The following FCHSD2 variants were observed in gnomAD, a reference collection of about 807,000 sequenced individuals.
FCHSD2 encodes the protein F-BAR and double SH3 domains protein 2.
In FCHSD2, 38 loss-of-function variants were observed where a neutral mutation model predicts 108.1. The observed-to-expected ratio is 0.35, with a 90% CI of 0.27 to 0.46. FCHSD2 has a LOEUF of 0.46. Ranked by LOEUF, FCHSD2 falls within the 20% of genes least tolerant of loss-of-function variation. The probability of loss-of-function intolerance (pLI) is 1.00; values close to 1 mark genes in which losing one functional copy is unlikely to be tolerated. For missense variants in FCHSD2, 751 were observed against 897.8 expected (o/e 0.84, Z 2.09); for synonymous variants, 279 against 314.7 (o/e 0.89, Z 1.20).
At chr11:73,024,095 C>A (rs1858171872) in intron 3 of FCHSD2, among the ~76,000 whole-genome samples, 1 of 151,696 alleles carries the variant, frequency 6.6e-6, no homozygotes, top group African/African-American at 2.4e-5. Context: ...TTGTCAAAAC[C>A]CAAAGAACTT....
chr11:72,890,372 T>A (rs1446579432), intron 10 of FCHSD2, among the ~76,000 whole-genome samples: 1 of 131,270 alleles, frequency 7.6e-6, no homozygotes, highest in Non-Finnish European at 1.7e-5. Flanking sequence ...TAAAGAGAAG[T>A]AAGAACAAAA....
chr11:72,843,203 G>C lies in FCHSD2; in HGVS notation c.1653C>G (p.Ser551Arg). The change falls in exon 16 of 20, where the codon AGC becomes AGG. Residue 551 changes from serine to arginine, a missense_variant. By Grantham distance (110) the Ser-to-Arg change is moderately radical (BLOSUM62 -1). Coordinates refer to ENST00000409418, the MANE Select transcript of FCHSD2 (RefSeq NM_014824.3). ...AALDSRSHTS[S>R]NSTEAELVSG... ...AAACGAGTTCTGCTTCCGTGGAATT[G>C]CTGGACGTGTGTGACCGACTGTCCA... is the stretch of plus-strand genomic sequence containing the variant. 1 of 1,614,022 alleles carries C rather than the reference G, an allele frequency of 6.2e-7. No individual in the cohort carries two copies. The highest frequency in any genetic ancestry group is 8.5e-7 in the Non-Finnish European group (1 of 1,179,894).
chr11:73,043,959 C>T (rs1858698987), intron 3 of FCHSD2, among the ~76,000 whole-genome samples: 1 of 152,160 alleles, frequency 6.6e-6, no homozygotes, highest in Non-Finnish European at 1.5e-5. Context: ...GGCCATTCAC[C>T]AATTTTGGCA....
chr11:72,910,153 C>A (rs375255208), intron 9 of FCHSD2, among the ~76,000 whole-genome samples: 8 of 151,146 alleles, frequency 5.3e-5, no homozygotes, highest in African/African-American at 1.7e-4. Context: ...GCTGCCCCAT[C>A]TGGGAAGTGA....
intron 18 of FCHSD2, 85 bp downstream of exon 18, chr11:72,841,369 A>AAAAT: frequency 8.5e-7 from 1 of 1,169,948 alleles, no homozygotes; most frequent in Non-Finnish European, 1.2e-6. Flanking sequence ...AAAAAAGCAA[A>AAAAT]TGCAGTTTTT....
intron 8 of FCHSD2, among the ~76,000 whole-genome samples, chr11:72,976,328 G>T (rs1857103507): frequency 6.6e-6 from 1 of 152,082 alleles, no homozygotes; most frequent in African/African-American, 2.4e-5. Context: ...GTCTCACTTT[G>T]TCACCCAGGC....
chr11:72,909,126 C>T (rs1005119763), intron 9 of FCHSD2, among the ~76,000 whole-genome samples: 2 of 152,134 alleles, frequency 1.3e-5, no homozygotes, highest in Admixed American at 6.5e-5. Flanking sequence ...AACCTCCCTG[C>T]CTTGGGCTCC....
intron 12 of FCHSD2, among the ~76,000 whole-genome samples, chr11:72,882,832 CT>C (rs1855117724): frequency 6.6e-6 from 1 of 152,080 alleles, no homozygotes; most frequent in Non-Finnish European, 1.5e-5. Flanking sequence ...TGCCCGCAGT[CT>C]TTTTTTGTAG....
intron 2 of FCHSD2, among the ~76,000 whole-genome samples, chr11:73,105,549 C>T (rs1044554550): frequency 5.9e-5 from 9 of 152,190 alleles, no homozygotes; most frequent in Non-Finnish European, 1.0e-4. Context: ...GGATAAGTAT[C>T]TTTACTACTC....
intron 2 of FCHSD2, among the ~76,000 whole-genome samples, chr11:73,115,601 G>A (rs1026486497): frequency 6.6e-6 from 1 of 152,190 alleles, no homozygotes; most frequent in Non-Finnish European, 1.5e-5. Context: ...GAGAAAACAC[G>A]AGAGAGAAGG....
At position 72,989,100 on chromosome 11, in the gene FCHSD2, G is replaced by A. The variant is rs186468882; in HGVS notation, c.388-3C>T. 270 of 1,599,926 alleles carry A rather than the reference G, an allele frequency of 1.7e-4. 4 individuals are homozygous for A. In the Admixed American group the frequency reaches 4.7e-3, roughly 28 times the overall value. On this transcript the variant is annotated splice_polypyrimidine_tract_variant and splice_region_variant and intron_variant, in intron 5 of 19. Transcript: ENST00000409418. Reference sequence around the variant, plus strand: ...ATCTTTGTCAACTGGTCCACACACTGTAAAATACAAAAGTACAATCATTAT... The same window carrying A: ...ATCTTTGTCAACTGGTCCACACACTATAAAATACAAAAGTACAATCATTAT...
intron 3 of FCHSD2, among the ~76,000 whole-genome samples, chr11:73,034,980 A>G (rs1348261516): frequency 2.6e-5 from 4 of 152,028 alleles, no homozygotes; most frequent in African/African-American, 9.7e-5. Context: ...GCTGAGTCAG[A>G]CTCTAGAGGT....
rs527459024 is a variant in FCHSD2, at chr11:73,031,549, G to T, written c.166-15664C>A. ...GAGGGAGACAGTAATGCCAACATTT[G>T]TACTGGGTGTTACACTTACAAAGTA... is the stretch of plus-strand genomic sequence containing the variant. On this transcript the variant is annotated intron_variant, in intron 3 of 19. Coordinates refer to ENST00000409418, the MANE Select transcript of FCHSD2 (RefSeq NM_014824.3). Among the ~76,000 whole-genome samples the T allele has an allele frequency of 2.0e-5, 3 of 152,282 alleles. No individual in the cohort carries two copies. The South Asian group carries it at 6.2e-4, about 32-fold the overall frequency.
intron 8 of FCHSD2, among the ~76,000 whole-genome samples, chr11:72,939,496 A>T (rs1234391206): frequency 6.6e-6 from 1 of 152,054 alleles, no homozygotes; most frequent in Non-Finnish European, 1.5e-5. Flanking sequence ...TTCAGATGTT[A>T]AAAGCTGCCT....
chr11:73,057,930 A>G (rs1393574535), intron 3 of FCHSD2, among the ~76,000 whole-genome samples: 1 of 146,792 alleles, frequency 6.8e-6, no homozygotes, highest in African/African-American at 2.5e-5. Context: ...CCCAGGCTGG[A>G]GTGCAGTGGC....
chr11:72,989,353 T>G (rs1053262414), intron 5 of FCHSD2, among the ~76,000 whole-genome samples: 1 of 152,216 alleles, frequency 6.6e-6, no homozygotes, highest in African/African-American at 2.4e-5. Context: ...GTGCTGCTGA[T>G]GACTGACGTT....
intron 9 of FCHSD2, among the ~76,000 whole-genome samples, chr11:72,917,287 C>T (rs986371652): frequency 6.6e-6 from 1 of 152,162 alleles, no homozygotes; most frequent in Non-Finnish European, 1.5e-5. Flanking sequence ...CTGGCTTGAA[C>T]TTCATTCTTT....
chr11:72,963,454 G>T (rs1856851554), intron 8 of FCHSD2, among the ~76,000 whole-genome samples: 1 of 152,192 alleles, frequency 6.6e-6, no homozygotes, highest in Non-Finnish European at 1.5e-5. Flanking sequence ...CTGGTAAGCA[G>T]TGAAACCAGG....
chr11:72,930,389 A>G (rs536473040), intron 8 of FCHSD2, among the ~76,000 whole-genome samples: 35 of 152,336 alleles, frequency 2.3e-4, no homozygotes, highest in African/African-American at 8.4e-4. Context: ...CTGTCCCAAA[A>G]TGCAATTCTT....
Sources: gnomAD v4.1 joint callset for allele counts (sites outside exome capture counted in the v4.1 genomes callset) on GRCh38, gnomAD v4.1.1 for gene constraint, MANE v1.5 for transcripts, NCBI Gene and HGNC (gene_info 2026-07-23, HGNC 2026-07-21) for gene names.